Variants in KCNIP4 observed in about 807,000 individuals in gnomAD.
KCNIP4 encodes the protein Kv channel-interacting protein 4.
A neutral mutation model predicts 34.0 loss-of-function variants in KCNIP4; 12 were observed. The ratio of observed to expected loss-of-function variants is 0.35; its 90% CI spans 0.23 to 0.57. The LOEUF is 0.57. Among genes scored for constraint, KCNIP4 ranks in the 20% least tolerant of loss-of-function variants. The pLI is 0.83. For synonymous variants in KCNIP4, 124 were observed against 102.2 expected (o/e 1.21, Z -1.29); for missense variants, 238 against 311.7 (o/e 0.76, Z 1.78).
At chr4:20,961,157 A>G (rs546051648) in intron 1 of KCNIP4, among the ~76,000 whole-genome samples, 19 of 152,328 alleles carry the variant, frequency 1.2e-4, no homozygotes, top group Admixed American at 1.0e-3. Flanking sequence ...GCTCAGTAAA[A>G]AATGTTTATT....
chr4:21,127,514 C>T (rs1419896967), intron 1 of KCNIP4, among the ~76,000 whole-genome samples: 1 of 152,170 alleles, frequency 6.6e-6, no homozygotes, highest in East Asian at 1.9e-4. Context: ...TCTTACCTGA[C>T]TCTCCGCACT....
At chr4:21,309,333 C>T (rs1373874732) in intron 1 of KCNIP4, among the ~76,000 whole-genome samples, 3 of 152,020 alleles carry the variant, frequency 2.0e-5, no homozygotes, top group Non-Finnish European at 4.4e-5. Flanking sequence ...CATTCAATTG[C>T]TAAAGTTGTG....
chr4:21,108,023 T>A (rs1467737780), intron 1 of KCNIP4, among the ~76,000 whole-genome samples: 4 of 151,354 alleles, frequency 2.6e-5, no homozygotes. Context: ...TCTCTCTGGC[T>A]GCCCTTAACA....
intron 1 of KCNIP4, among the ~76,000 whole-genome samples, chr4:21,068,198 T>C (rs928096198): frequency 6.6e-6 from 1 of 152,154 alleles, no homozygotes; most frequent in Non-Finnish European, 1.5e-5. Flanking sequence ...CCCAATTTCT[T>C]TCCCTTTTTC....
chr4:21,205,716 C>A (rs1183743457), intron 1 of KCNIP4, among the ~76,000 whole-genome samples: 2 of 152,172 alleles, frequency 1.3e-5, no homozygotes, highest in Non-Finnish European at 2.9e-5. Flanking sequence ...AATTAAGGAA[C>A]AGAGACTCAG....
At position 21,778,402 on chromosome 4, in the gene KCNIP4, GA is replaced by G. The variant is rs1360267779; in HGVS notation, c.61+170168del. On this transcript the variant is annotated intron_variant, in intron 1 of 8. Transcript: ENST00000382152. ...GGTGCACGCCACCACACTGAGCAAT[GA>G]AAAAAAAAACTGGTAGAAATGGGAT... Among the ~76,000 whole-genome samples the G allele has an allele frequency of 7.5e-5, 11 of 147,360 alleles. No individual in the cohort carries two copies. The South Asian group carries it at 1.5e-3, about 20-fold the overall frequency.
At chr4:21,122,546 C>A (rs981052134) in intron 1 of KCNIP4, among the ~76,000 whole-genome samples, 23 of 151,350 alleles carry the variant, frequency 1.5e-4, no homozygotes, top group African/African-American at 5.6e-4. Context: ...ATTCTTAGCC[C>A]AGTGGAAATG....
chr4:20,850,075 C>T (rs1433331004), intron 3 of KCNIP4, among the ~76,000 whole-genome samples: 1 of 152,156 alleles, frequency 6.6e-6, no homozygotes, highest in Non-Finnish European at 1.5e-5. Context: ...CAGTGATGAC[C>T]TACAGACACC....
intron 3 of KCNIP4, among the ~76,000 whole-genome samples, chr4:20,824,708 T>C (rs1367708709): frequency 6.6e-6 from 1 of 152,142 alleles, no homozygotes; most frequent in Non-Finnish European, 1.5e-5. Context: ...GACATTTATG[T>C]TTTTGAGGTC....
At chr4:21,235,038 A>AGT (rs1240384319) in intron 1 of KCNIP4, among the ~76,000 whole-genome samples, 1 of 152,150 alleles carries the variant, frequency 6.6e-6, no homozygotes, top group East Asian at 1.9e-4. Context: ...AAAAATACAC[A>AGT]TGTAGATCAG....
At chr4:21,434,159 C>T (rs1322076970) in intron 1 of KCNIP4, among the ~76,000 whole-genome samples, 1 of 152,142 alleles carries the variant, frequency 6.6e-6, no homozygotes, top group Non-Finnish European at 1.5e-5. Flanking sequence ...TTGTTTAAAC[C>T]TCAGCATGAC....
chr4:21,942,159 T>G (rs1203128425), intron 1 of KCNIP4, among the ~76,000 whole-genome samples: 2 of 152,158 alleles, frequency 1.3e-5, no homozygotes, highest in Non-Finnish European at 2.9e-5. Flanking sequence ...AGGAAATGGG[T>G]GTATATACAC....
intron 1 of KCNIP4, among the ~76,000 whole-genome samples, chr4:21,252,330 G>T (rs879372060): frequency 8.6e-5 from 13 of 151,796 alleles, no homozygotes; most frequent in Non-Finnish European, 1.6e-4. Context: ...GTTTCACCAC[G>T]TTGGCCAGGA....
At chr4:21,635,364 G>A (rs1282160307) in intron 1 of KCNIP4, among the ~76,000 whole-genome samples, 1 of 152,138 alleles carries the variant, frequency 6.6e-6, no homozygotes, top group Non-Finnish European at 1.5e-5. Flanking sequence ...TCTAGAGAAG[G>A]ATGGCGACTA....
Position 21,810,245 on chromosome 4 carries a change from C to G in KCNIP4, c.61+138326G>C, listed in dbSNP as rs146120585. On this transcript the variant is annotated intron_variant, in intron 1 of 8. Transcript: ENST00000382152. ...TCATTATCCTATCAAGTACATAAAA[C>G]AAGAACAATGCATAGAAATATTCAA... Among the ~76,000 whole-genome samples, 330 of 152,280 alleles carry G rather than the reference C, an allele frequency of 2.2e-3. 1 individual carries two copies. The highest frequency in any genetic ancestry group is 7.6e-3 in the African/African-American group (314 of 41,572).
intron 1 of KCNIP4, among the ~76,000 whole-genome samples, chr4:21,483,068 G>C (rs1433529851): frequency 2.8e-5 from 4 of 141,824 alleles, no homozygotes; most frequent in Non-Finnish European, 6.1e-5. Flanking sequence ...TCACACACTG[G>C]GGCCTGTTGT....
intron 1 of KCNIP4, chr4:21,763,134 T>C (rs755072601): frequency 3.4e-5 from 43 of 1,276,988 alleles, no homozygotes; most frequent in Non-Finnish European, 4.3e-5. Context: ...CAATAATTCC[T>C]TCACTGTGGT....
At chr4:21,110,391 C>T (rs1749053003) in intron 1 of KCNIP4, among the ~76,000 whole-genome samples, 2 of 152,062 alleles carry the variant, frequency 1.3e-5, no homozygotes, top group African/African-American at 4.8e-5. Flanking sequence ...CTCACTAGAC[C>T]AATGAGGGTT....
intron 1 of KCNIP4, among the ~76,000 whole-genome samples, chr4:21,046,743 A>C (rs909007445): frequency 1.3e-5 from 2 of 152,006 alleles, no homozygotes; most frequent in African/African-American, 4.8e-5. Context: ...AGGCACGCGC[A>C]ACCACGCCAG....
Sources: gnomAD v4.1 joint callset for allele counts (sites outside exome capture counted in the v4.1 genomes callset) on GRCh38, gnomAD v4.1.1 for gene constraint, MANE v1.5 for transcripts, NCBI Gene and HGNC (gene_info 2026-07-23, HGNC 2026-07-21) for gene names.